PAPSS1: variants seen among roughly 807,000 people sequenced by gnomAD.
PAPSS1 encodes the protein bifunctional 3'-phosphoadenosine 5'-phosphosulfate synthase 1.
A neutral mutation model predicts 72.0 loss-of-function variants in PAPSS1; 50 were observed. The ratio of observed to expected loss-of-function variants is 0.69; its 90% CI spans 0.55 to 0.88. PAPSS1 has a LOEUF of 0.88. Ranked by LOEUF, PAPSS1 falls within the 40% of genes least tolerant of loss-of-function variation. The pLI is 0.00. For synonymous variants in PAPSS1, 261 were observed against 263.6 expected, an observed-to-expected ratio of 0.99 and a Z score of 0.09; for missense variants, 657 against 782.2, an observed-to-expected ratio of 0.84 and a Z score of 1.91.
chr4:107,650,229 C>T (rs2110315605), intron 9 of PAPSS1, among the ~76,000 whole-genome samples: 1 of 152,326 alleles, frequency 6.6e-6, no homozygotes, highest in East Asian at 1.9e-4. Context: ...TGAACAAGAA[C>T]TACAAAGTAA....
intron 9 of PAPSS1, among the ~76,000 whole-genome samples, chr4:107,648,401 C>T (rs1254434545): frequency 6.6e-6 from 1 of 152,126 alleles, no homozygotes; most frequent in Non-Finnish European, 1.5e-5. Context: ...TATCCAAAGA[C>T]AACTGCAAAC....
rs1311596457 is a variant in PAPSS1, at chr4:107,656,922, C to G, written c.869G>C (p.Cys290Ser). The stretch of plus-strand genomic sequence containing the variant: ...ATCCAGAAGACAATCAAAATGAAGG[C>G]ACTGCAAGTACTCCCTCTCTCTCAT... ...GFMREREYLQ[C>S]LHFDCLLDGG... The change falls in exon 7 of 12, where the codon TGC (cysteine) becomes TCC (serine). Residue 290 changes from cysteine (C) to serine (S), a missense_variant. Transcript: ENST00000265174. 6.2e-7 allele frequency: 1 copy of G among 1,611,432 alleles called. No individual in the cohort carries two copies. Among genetic ancestry groups the G allele is most frequent in the East Asian group, 2.2e-5 (1 of 44,854 alleles).
intron 11 of PAPSS1, among the ~76,000 whole-genome samples, chr4:107,631,001 T>C (rs1269833228): frequency 6.9e-6 from 1 of 145,654 alleles, no homozygotes; most frequent in African/African-American, 2.5e-5. Flanking sequence ...GTACACAAAT[T>C]GTTTCATGCA....
At chr4:107,676,125 A>C (rs1727637517) in intron 5 of PAPSS1, among the ~76,000 whole-genome samples, 1 of 152,204 alleles carries the variant, frequency 6.6e-6, no homozygotes, top group South Asian at 2.1e-4. Context: ...AACTGGCACA[A>C]GACAGGGATG....
chr4:107,695,210 C>G (rs938473019), intron 2 of PAPSS1, among the ~76,000 whole-genome samples: 1 of 152,138 alleles, frequency 6.6e-6, no homozygotes, highest in Admixed American at 6.5e-5. Context: ...TCCTTCACGT[C>G]CCTTGCAAGT....
chr4:107,639,695 G>A (rs6820072), intron 10 of PAPSS1, among the ~76,000 whole-genome samples: 51 of 152,312 alleles, frequency 3.3e-4, no homozygotes, highest in African/African-American at 1.2e-3. Context: ...AAACTTAGGT[G>A]TCTATGGCTT....
intron 5 of PAPSS1, among the ~76,000 whole-genome samples, chr4:107,670,607 T>C (rs1727442867): frequency 6.6e-6 from 1 of 152,150 alleles, no homozygotes. Flanking sequence ...GGCAGAATCA[T>C]AGCTCTCTGC....
At chr4:107,663,967 T>C (rs1727252810) in intron 5 of PAPSS1, among the ~76,000 whole-genome samples, 1 of 152,214 alleles carries the variant, frequency 6.6e-6, no homozygotes, top group South Asian at 2.1e-4. Flanking sequence ...TCCAATGCGT[T>C]GGTAAGGTTC....
chr4:107,720,226 T>G lies in PAPSS1; in HGVS notation c.-47A>C. 1.9e-6 allele frequency: 3 copies of G among 1,571,132 alleles called. No individual in the cohort carries two copies. Among genetic ancestry groups the G allele is most frequent in the Non-Finnish European group, 2.6e-6 (3 of 1,158,274 alleles). ...GCCGGGGTTCTCTGCGCCGGGAGGG[T>G]AGCAAGAGGAGGGCAGGCCAGCGAG... On this transcript the variant is annotated 5_prime_UTR_variant, in exon 1 of 12. Coordinates refer to ENST00000265174, the MANE Select transcript of PAPSS1 (RefSeq NM_005443.5).
intron 1 of PAPSS1, among the ~76,000 whole-genome samples, chr4:107,707,697 A>G (rs111505344): frequency 6.6e-6 from 1 of 152,126 alleles, no homozygotes; most frequent in African/African-American, 2.4e-5. Flanking sequence ...GTTTTTTCTG[A>G]TTTCTCTGCT....
chr4:107,700,122 C>A (rs750921724), intron 2 of PAPSS1, among the ~76,000 whole-genome samples: 4 of 152,022 alleles, frequency 2.6e-5, no homozygotes, highest in Non-Finnish European at 4.4e-5. Context: ...AACAAACAGA[C>A]CTGTCTAAAA....
At chr4:107,640,257 C>A (rs905984197) in intron 10 of PAPSS1, among the ~76,000 whole-genome samples, 1 of 152,146 alleles carries the variant, frequency 6.6e-6, no homozygotes, top group Non-Finnish European at 1.5e-5. Context: ...AAAGTTAACA[C>A]TCCCTTCACA....
At chr4:107,645,541 T>C (rs1726670570) in intron 9 of PAPSS1, among the ~76,000 whole-genome samples, 1 of 152,260 alleles carries the variant, frequency 6.6e-6, no homozygotes, top group South Asian at 2.1e-4. Context: ...ATTTACTTAC[T>C]GTCCAAATAT....
rs1726033077 is a variant in PAPSS1 at position 107,624,010 on chromosome 4, C to T, written c.1736+7621G>A. Among the ~76,000 whole-genome samples, 3 of 152,178 alleles carry T rather than the reference C, an allele frequency of 2.0e-5. No individual in the cohort carries two copies. In the South Asian group the frequency reaches 6.2e-4, roughly 32 times the overall value. Reference sequence around the variant, plus strand: ...CCAAATTTTTTATAACCAATCCATACAGTCACACCACCATCTTTTAAAAAT... The same window carrying T: ...CCAAATTTTTTATAACCAATCCATATAGTCACACCACCATCTTTTAAAAAT... On this transcript the variant is annotated intron_variant, in intron 11 of 11. Transcript: ENST00000265174.
chr4:107,640,545 A>G (rs574935644), intron 10 of PAPSS1, among the ~76,000 whole-genome samples: 12 of 152,318 alleles, frequency 7.9e-5, no homozygotes, highest in African/African-American at 2.4e-4. Context: ...TGGAAAAGCT[A>G]CAAAAATGAG....
At chr4:107,643,555 G>C (rs774258416) in intron 10 of PAPSS1, among the ~76,000 whole-genome samples, 2 of 151,974 alleles carry the variant, frequency 1.3e-5, no homozygotes, top group Non-Finnish European at 2.9e-5. Context: ...CTCCCTAAGA[G>C]ACTTCCTGAA....
In PAPSS1 at chr4:107,665,376, A is replaced by G. The variant is rs549368622; in HGVS notation, c.670-5304T>C. On this transcript the variant is annotated intron_variant, in intron 5 of 11. Transcript: ENST00000265174. ...ACAACAGAAAGTTGGTCCCTGCCAC[A>G]TGAGCTATCCACTTTATTTGGGATT... Among the ~76,000 whole-genome samples the G allele has an allele frequency of 4.6e-5, 7 of 152,358 alleles. No homozygotes were observed. The East Asian group carries it at 1.3e-3, about 29-fold the overall frequency.
intron 11 of PAPSS1, among the ~76,000 whole-genome samples, chr4:107,625,478 G>A (rs191839800): frequency 1.3e-5 from 2 of 152,278 alleles, no homozygotes; most frequent in South Asian, 2.1e-4. Context: ...GCCTCTAGGA[G>A]CAGACAGCAA....
chr4:107,662,475 G>A (rs1727207867), intron 5 of PAPSS1, among the ~76,000 whole-genome samples: 1 of 152,146 alleles, frequency 6.6e-6, no homozygotes, highest in Non-Finnish European at 1.5e-5. Context: ...GCACTAATGG[G>A]GCAGATTATT....
Sources: gnomAD v4.1 joint callset for allele counts (sites outside exome capture counted in the v4.1 genomes callset) on GRCh38, gnomAD v4.1.1 for gene constraint, MANE v1.5 for transcripts, NCBI Gene and HGNC (gene_info 2026-07-23, HGNC 2026-07-21) for gene names.